Variants in ANKRD31 observed in about 807,000 individuals in gnomAD.
ANKRD31 encodes ankyrin repeat domain-containing protein 31.
Under a neutral mutation model 186.0 loss-of-function variants are expected in ANKRD31, and 147 were observed. That is an observed-to-expected ratio of 0.79 (90% CI 0.69 to 0.91). The LOEUF (loss-of-function observed/expected upper bound fraction) is 0.91. Ranked by LOEUF, ANKRD31 falls within the 40% of genes least tolerant of loss-of-function variation. The pLI is 0.00. For missense variants in ANKRD31, 1,986 were observed against 2,148.8 expected (o/e 0.92, Z 1.50); for synonymous variants, 673 against 736.4 (o/e 0.91, Z 1.39).
chr5:75,224,129 TTATATATATA>T (rs148986776), intron 2 of ANKRD31, among the ~76,000 whole-genome samples: 20 of 105,774 alleles, frequency 1.9e-4, no homozygotes, highest in South Asian at 1.2e-3. Flanking sequence ...TCAGAAATAA[TTATATATATA>T]TATATATATA....
At chr5:75,104,156 A>T in intron 22 of ANKRD31, 72 bp downstream of exon 22, 2 of 1,276,458 alleles carry the variant, frequency 1.6e-6, no homozygotes, top group Non-Finnish European at 2.1e-6. Flanking sequence ...AAATGTCTAT[A>T]TTATGTGACA....
At chr5:75,184,247 A>C (rs936719762) in intron 10 of ANKRD31, among the ~76,000 whole-genome samples, 2 of 152,124 alleles carry the variant, frequency 1.3e-5, no homozygotes, top group African/African-American at 4.8e-5. Flanking sequence ...ACAAAATTCA[A>C]CTCAAAGTGG....
intron 10 of ANKRD31, among the ~76,000 whole-genome samples, chr5:75,172,759 A>G (rs1300174321): frequency 1.3e-5 from 2 of 152,162 alleles, no homozygotes; most frequent in African/African-American, 4.8e-5. Context: ...CCTACCAACC[A>G]AAAAAAGTCC....
At chr5:75,075,013 C>T (rs942214698) in intron 25 of ANKRD31, among the ~76,000 whole-genome samples, 1 of 152,086 alleles carries the variant, frequency 6.6e-6, no homozygotes, top group Admixed American at 6.6e-5. Context: ...TTTTTCTTTT[C>T]TTAAAAATCA....
In ANKRD31 at chr5:75,146,108, G is replaced by GT. The variant is rs1448936653; in HGVS notation, c.3302dup (p.Asn1101LysfsTer6). On this transcript the variant is annotated frameshift_variant, in exon 14 of 26. Transcript: ENST00000506364. LOFTEE classifies it high-confidence loss of function. The stretch of plus-strand genomic sequence containing the variant: ...TGTGTATAGTCTCACTTTCTAGATG[G>GT]TTTTGTCTCCTTTTTTCAACTTTAG... 1 of 1,535,824 alleles carries GT rather than the reference G, an allele frequency of 6.5e-7. No individual in the cohort carries two copies. The highest frequency in any genetic ancestry group is 1.2e-5 in the South Asian group (1 of 83,956).
chr5:75,087,938 C>T (rs187980141), intron 23 of ANKRD31, among the ~76,000 whole-genome samples: 7 of 152,256 alleles, frequency 4.6e-5, no homozygotes, highest in East Asian at 1.9e-4. Flanking sequence ...TGTAGCTAGA[C>T]GCAAGAGAAA....
chr5:75,217,187 A>T (rs1482046306), intron 3 of ANKRD31, among the ~76,000 whole-genome samples: 1 of 152,170 alleles, frequency 6.6e-6, no homozygotes, highest in African/African-American at 2.4e-5. Flanking sequence ...CAATGAAAAG[A>T]ATGTATATTC....
intron 17 of ANKRD31, among the ~76,000 whole-genome samples, chr5:75,133,613 G>A (rs1750070117): frequency 6.6e-6 from 1 of 152,160 alleles, no homozygotes; most frequent in Non-Finnish European, 1.5e-5. Context: ...CAACGAGACA[G>A]AAAGTTAACA....
intron 22 of ANKRD31, among the ~76,000 whole-genome samples, chr5:75,093,828 A>G (rs537813367): frequency 6.6e-6 from 1 of 152,332 alleles, no homozygotes; most frequent in Non-Finnish European, 1.5e-5. Context: ...AAATAAAGAC[A>G]TTCCCAGATA....
At chr5:75,173,842 G>T (rs973003223) in intron 10 of ANKRD31, among the ~76,000 whole-genome samples, 2 of 152,002 alleles carry the variant, frequency 1.3e-5, no homozygotes, top group African/African-American at 2.4e-5. Flanking sequence ...TCCCCACCAA[G>T]CTACCAATGA....
intron 21 of ANKRD31, among the ~76,000 whole-genome samples, chr5:75,107,297 T>C (rs900533964): frequency 3.3e-5 from 5 of 152,040 alleles, no homozygotes; most frequent in African/African-American, 1.2e-4. Flanking sequence ...CTTTTTAAGA[T>C]ACCGAAATGT....
intron 10 of ANKRD31, 92 bp downstream of exon 10, chr5:75,188,401 C>A: frequency 1.6e-6 from 2 of 1,254,254 alleles, no homozygotes; most frequent in Non-Finnish European, 2.1e-6. Context: ...TGGAACTTAC[C>A]TTAGGCTCAC....
chr5:75,213,414 T>TA (rs1258976013), intron 3 of ANKRD31, among the ~76,000 whole-genome samples: 1 of 151,964 alleles, frequency 6.6e-6, no homozygotes, highest in African/African-American at 2.4e-5. Flanking sequence ...GTGCAAAAGG[T>TA]AAATGCAAAA....
intron 25 of ANKRD31, among the ~76,000 whole-genome samples, chr5:75,070,331 C>A (rs867367335): frequency 1.3e-5 from 2 of 152,258 alleles, no homozygotes; most frequent in Admixed American, 6.5e-5. Flanking sequence ...TATTATTTAA[C>A]ACTGGTCTTT....
At chr5:75,231,699 G>A (rs967341534) in intron 1 of ANKRD31, among the ~76,000 whole-genome samples, 6 of 152,014 alleles carry the variant, frequency 3.9e-5, no homozygotes, top group Non-Finnish European at 5.9e-5. Flanking sequence ...TCAAAACCAC[G>A]AAGATACCAC....
intron 23 of ANKRD31, among the ~76,000 whole-genome samples, chr5:75,086,740 G>A (rs1351637612): frequency 6.6e-6 from 1 of 152,184 alleles, no homozygotes; most frequent in South Asian, 2.1e-4. Flanking sequence ...CTGGAGGGGT[G>A]TTTTGTCCTA....
chr5:75,144,838 T>C (rs765869939), intron 14 of ANKRD31, among the ~76,000 whole-genome samples: 14 of 152,108 alleles, frequency 9.2e-5, no homozygotes, highest in Admixed American at 2.0e-4. Context: ...ATTTTTGCGA[T>C]CTATCCATCT....
chr5:75,173,342 T>C (rs966553222), intron 10 of ANKRD31, among the ~76,000 whole-genome samples: 5 of 152,042 alleles, frequency 3.3e-5, no homozygotes, highest in African/African-American at 1.2e-4. Context: ...GGATACCCTC[T>C]CTCAACTCCT....
intron 10 of ANKRD31, among the ~76,000 whole-genome samples, chr5:75,181,959 AAC>A (rs1305814827): frequency 1.3e-5 from 2 of 152,116 alleles, no homozygotes; most frequent in East Asian, 3.8e-4. Context: ...AAAAAAATAA[AAC>A]ACACTGTTGT....
Sources: gnomAD v4.1 joint callset for allele counts (sites outside exome capture counted in the v4.1 genomes callset) on GRCh38, gnomAD v4.1.1 for gene constraint, MANE v1.5 for transcripts, NCBI Gene and HGNC (gene_info 2026-07-23, HGNC 2026-07-21) for gene names.